ZNF587B: variants seen among roughly 807,000 people sequenced by gnomAD.
ZNF587B encodes zinc finger protein 587B.
A neutral mutation model predicts 7.2 loss-of-function variants in ZNF587B; 6 were observed. That is an observed-to-expected ratio of 0.83 (90% CI 0.46 to 1.65). The LOEUF (loss-of-function observed/expected upper bound fraction) is 1.65, where lower values mean the gene tolerates loss of function less well. ZNF587B is among the 40% of genes most tolerant of loss of function. The pLI is 0.01. For synonymous variants in ZNF587B, 274 were observed against 254.3 expected (o/e 1.08, Z -0.74); for missense variants, 749 against 761.0 (o/e 0.98, Z 0.19).
intron 1 of ZNF587B, among the ~76,000 whole-genome samples, chr19:57,831,042 G>A (rs1988365890): frequency 1.3e-5 from 2 of 152,192 alleles, no homozygotes; most frequent in East Asian, 3.8e-4. Context: ...GGTGATAGAT[G>A]GGGGGCTTTG....
In ZNF587B at chr19:57,841,437, G is replaced by A. The variant is rs1157965257; in HGVS notation, c.763G>A (p.Val255Ile). Reference protein sequence around the residue: ...CECGKSFSKYVSFSNHQRVHS... With the variant: ...CECGKSFSKYISFSNHQRVHS... The stretch of plus-strand genomic sequence containing the variant: ...ATGTGGGAAATCCTTTAGCAAATAT[G>A]TTAGCTTCAGTAATCATCAGAGAGT... The change falls in exon 3 of 3, where the codon GTT (valine) becomes ATT (isoleucine). Residue 255 changes from valine (V) to isoleucine (I), a missense_variant. By Grantham distance (29) the Val-to-Ile change is conservative. This residue lies in a region of ZNF587B where 656 missense variants were observed against 596.5 expected (regional missense o/e 1.10). Coordinates refer to ENST00000594901, the MANE Select transcript of ZNF587B (RefSeq NM_001376223.1). The A allele has an allele frequency of 1.9e-6, 3 of 1,584,470 alleles. No homozygotes were observed. Among genetic ancestry groups the A allele is most frequent in the African/African-American group, 1.4e-5 (1 of 73,946 alleles).
At chr19:57,830,795 C>T (rs1270490318) in intron 1 of ZNF587B, among the ~76,000 whole-genome samples, 1 of 126,180 alleles carries the variant, frequency 7.9e-6, no homozygotes, top group Non-Finnish European at 1.7e-5. Context: ...ATTAAGAGTC[C>T]GTTTATTTAA....
At chr19:57,838,961 G>A (rs1988736632) in intron 1 of ZNF587B, 62 bp from the exon 2 acceptor site, 1 of 1,565,146 alleles carries the variant, frequency 6.4e-7, no homozygotes, top group African/African-American at 1.4e-5. Flanking sequence ...GTGTGGGAGA[G>A]ATGGATTGTG....
chr19:57,841,272 A>G lies in ZNF587B; in HGVS notation c.598A>G (p.Lys200Glu). 1 of 1,614,146 alleles carries G rather than the reference A, an allele frequency of 6.2e-7. No individual in the cohort carries two copies. Among genetic ancestry groups the G allele is most frequent in the Non-Finnish European group, 8.5e-7 (1 of 1,180,032 alleles). ...TCACACTGGGGAGAAGTCAAACAGCAAAACTGAGTGTGTGTCTCCCTTTCA... is the reference window on the plus strand; with the variant it reads ...TCACACTGGGGAGAAGTCAAACAGCGAAACTGAGTGTGTGTCTCCCTTTCA... The part of the protein sequence containing the change: ...ASHTGEKSNS[K>E]TECVSPFQCG... Residue 200 changes from lysine (K) to glutamate (E), a missense_variant, in exon 3 of 3, where the codon AAA (lysine) becomes GAA (glutamate). This residue lies in a region of ZNF587B where 656 missense variants were observed against 596.5 expected (regional missense o/e 1.10). Coordinates refer to ENST00000594901, the MANE Select transcript of ZNF587B (RefSeq NM_001376223.1).
rs1988561136 is a variant in ZNF587B at position 57,835,391 on chromosome 19, T to C, written c.37-3632T>C. 4.6e-5 allele frequency among the ~76,000 whole-genome samples: 6 copies of C among 130,116 alleles called. 1 individual carries two copies. In the East Asian group the frequency reaches 1.1e-3, roughly 23 times the overall value. The allele number at this position is 130,116 out of a possible 152,430, so 85.4% of individuals were successfully genotyped here. ...TTTTTTTTTTTAGGTGGAGTCTTGT[T>C]CTGTCACCAGGCTGGAGTGCAGTAG... On this transcript the variant is annotated intron_variant, in intron 1 of 2. Coordinates refer to ENST00000594901, the MANE Select transcript of ZNF587B (RefSeq NM_001376223.1).
rs371055497 is a variant in ZNF587B at position 57,830,473 on chromosome 19, A to C, written c.-56A>C. 2.6e-6 allele frequency: 4 copies of C among 1,543,266 alleles called. No individual in the cohort carries two copies. The African/African-American group carries it at 5.5e-5, about 21-fold the overall frequency. On this transcript the variant is annotated 5_prime_UTR_variant, in exon 1 of 3. Transcript: ENST00000594901. The stretch of plus-strand genomic sequence containing the variant: ...GGCCAGGATAGGGACCGTCATGCCC[A>C]TATCTCCTGGCTGGTCACCCTCTCC...
At chr19:57,835,986 C>G (rs1385674629) in intron 1 of ZNF587B, among the ~76,000 whole-genome samples, 3 of 151,654 alleles carry the variant, frequency 2.0e-5, no homozygotes, top group Non-Finnish European at 4.4e-5. Context: ...GATGTTTTGC[C>G]TGGGTCCCTG....
chr19:57,834,767 C>A (rs1988538094), intron 1 of ZNF587B, among the ~76,000 whole-genome samples: 1 of 119,866 alleles, frequency 8.3e-6, no homozygotes. Context: ...ATTGCTTGAA[C>A]CCCGGAGGCA....
At position 57,840,989 on chromosome 19, in the gene ZNF587B, G is replaced by C. The variant is rs1235261519; in HGVS notation, c.315G>C (p.Leu105Phe). 4 of 1,599,870 alleles carry C rather than the reference G, an allele frequency of 2.5e-6. No individual in the cohort carries two copies. In the African/African-American group the frequency reaches 4.0e-5, roughly 16 times the overall value. ...EMCGPILGDI[L>F]HVADHQGTHH... is the part of the protein sequence containing the mutation. Reference sequence around the variant, plus strand: ...GTGGCCCGATCTTGGGAGACATTTTGCATGTGGCAGATCATCAGGGAACAC... The same window carrying C: ...GTGGCCCGATCTTGGGAGACATTTTCCATGTGGCAGATCATCAGGGAACAC... Residue 105 changes from leucine (L) to phenylalanine (F), a missense_variant, in exon 3 of 3, where the codon TTG (leucine) becomes TTC (phenylalanine). By Grantham distance (22) the Leu-to-Phe change is conservative (BLOSUM62 0). Coordinates refer to ENST00000594901, the MANE Select transcript of ZNF587B (RefSeq NM_001376223.1).
chr19:57,839,289 A>G, intron 2 of ZNF587B, 140 bp downstream of exon 2: 1 of 1,366,598 alleles, frequency 7.3e-7, no homozygotes, highest in South Asian at 1.5e-5. Context: ...TGGTTGTAGG[A>G]CTGAGGTGTA....
At chr19:57,831,932 C>T (rs1211173925) in intron 1 of ZNF587B, among the ~76,000 whole-genome samples, 2 of 150,182 alleles carry the variant, frequency 1.3e-5, no homozygotes, top group African/African-American at 4.9e-5. Flanking sequence ...TTTCGAACTC[C>T]CGAGCTCAGG....
At position 57,830,611 on chromosome 19, in the gene ZNF587B, A is replaced by C. The variant is rs775934124; in HGVS notation, c.36+47A>C. On this transcript the variant is annotated intron_variant, in intron 1 of 2. Coordinates refer to ENST00000594901, the MANE Select transcript of ZNF587B (RefSeq NM_001376223.1). ...CCCTCAGGTCACCTCATCATCACCC[A>C]AAAGCCTGTAGTCTTGCAAGGAAGA... is the stretch of plus-strand genomic sequence containing the variant. 9.1e-6 allele frequency: 14 copies of C among 1,543,258 alleles called. No homozygotes were observed. In the East Asian group the frequency reaches 3.2e-4, roughly 35 times the overall value.
rs1243016821 is a variant in ZNF587B at position 57,841,487 on chromosome 19, A to G, written c.813A>G (p.Glu271=). ...TTCACAGTGGAAAAAGACCTTATGAATGTGGAGAATGTGAGAAATCTTTTA... is the reference window on the plus strand; with the variant it reads ...TTCACAGTGGAAAAAGACCTTATGAGTGTGGAGAATGTGAGAAATCTTTTA... ...QRVHSGKRPY[E]CGECEKSFSQ... is the part of the protein sequence containing the mutation. Residue 271 remains glutamate, a synonymous_variant, in exon 3 of 3, where the codon GAA becomes GAG. Transcript: ENST00000594901. 3 of 1,585,164 alleles carry G rather than the reference A, an allele frequency of 1.9e-6. No individual in the cohort carries two copies. The highest frequency in any genetic ancestry group is 2.6e-6 in the Non-Finnish European group (3 of 1,165,040).
rs1988918032 is a variant in ZNF587B, at chr19:57,843,028, C to T, written c.*452C>T. On this transcript the variant is annotated 3_prime_UTR_variant, in exon 3 of 3. Coordinates refer to ENST00000594901, the MANE Select transcript of ZNF587B (RefSeq NM_001376223.1). ...TCCTTTTTTTGGAGAGACGGTCTCA[C>T]TCCATCACCCATGCTGGTGTGCAGT... The T allele has an allele frequency of 3.1e-6, 3 of 954,932 alleles. No individual in the cohort carries two copies. Among genetic ancestry groups the T allele is most frequent in the Non-Finnish European group, 3.7e-6 (3 of 802,194 alleles). The allele number at this position is 954,932 out of a possible 1,614,324, so 59.2% of individuals were successfully genotyped here. A position where few individuals can be genotyped will look rare whatever the true frequency, so the allele number is the denominator to read the frequency against.
intron 1 of ZNF587B, among the ~76,000 whole-genome samples, chr19:57,832,095 G>GT (rs201831884): frequency 0.033 from 4,917 of 148,366 alleles, 222 homozygotes; most frequent in African/African-American, 0.1. Flanking sequence ...TTTTCTTTTT[G>GT]TTTTTTTTTG....
Position 57,830,495 on chromosome 19 carries a change from C to A in ZNF587B, c.-34C>A, listed in dbSNP as rs750298576. ...CCCATATCTCCTGGCTGGTCACCCT[C>A]TCCTCCCAACCCTGCTTTAAACCAC... is the stretch of plus-strand genomic sequence containing the variant. On this transcript the variant is annotated 5_prime_UTR_variant, in exon 1 of 3. Transcript: ENST00000594901. The A allele has an allele frequency of 3.6e-5, 56 of 1,548,250 alleles. No homozygotes were observed. Among genetic ancestry groups the A allele is most frequent in the Admixed American group, 2.6e-4 (13 of 50,978 alleles).
intron 1 of ZNF587B, among the ~76,000 whole-genome samples, chr19:57,836,960 T>TTA (rs759568358): frequency 1.0e-4 from 11 of 106,260 alleles, no homozygotes; most frequent in Non-Finnish European, 1.9e-5. Context: ...GACTCCGTCA[T>TTA]AAAAAAAAAA....
chr19:57,832,171 C>T (rs1988436052), intron 1 of ZNF587B, among the ~76,000 whole-genome samples: 1 of 152,092 alleles, frequency 6.6e-6, no homozygotes. Flanking sequence ...ACTGCAAGCT[C>T]CACCTCCCGG....
At position 57,843,057 on chromosome 19, in the gene ZNF587B, G is replaced by A; in HGVS notation, c.*481G>A. ...ATCACCCATGCTGGTGTGCAGTGCT[G>A]CGATCGTAGCTCACTGCATCCTCCG... On this transcript the variant is annotated 3_prime_UTR_variant, in exon 3 of 3. Coordinates refer to ENST00000594901, the MANE Select transcript of ZNF587B (RefSeq NM_001376223.1). 1.2e-6 allele frequency: 1 copy of A among 860,076 alleles called. No homozygotes were observed. Among genetic ancestry groups the A allele is most frequent in the Non-Finnish European group, 1.4e-6 (1 of 715,688 alleles). 53.3% of individuals were successfully genotyped at this position (860,076 alleles called of 1,614,324 possible).
Sources: allele counts gnomAD v4.1 joint callset (sites outside exome capture counted in the v4.1 genomes callset), GRCh38; gene constraint gnomAD v4.1.1; regional missense constraint gnomAD v4.1.1; transcripts MANE v1.5; gene names NCBI Gene and HGNC (gene_info 2026-07-23, HGNC 2026-07-21).